The following SEMA3D variants were observed in gnomAD, a reference collection of about 807,000 sequenced individuals.
The protein encoded by SEMA3D is semaphorin 3D.
Under a neutral mutation model 100.1 loss-of-function variants are expected in SEMA3D, and 84 were observed. The ratio of observed to expected loss-of-function variants is 0.84; its 90% CI spans 0.70 to 1.01. SEMA3D has a LOEUF of 1.01. SEMA3D is among the 50% of genes least tolerant of loss of function. SEMA3D has a pLI of 0.00. For synonymous variants in SEMA3D, 312 were observed against 320.7 expected, an observed-to-expected ratio of 0.97 and a Z score of 0.29; for missense variants, 875 against 934.1, an observed-to-expected ratio of 0.94 and a Z score of 0.82.
intron 16 of SEMA3D, 25 bp from the exon 17 acceptor site, chr7:85,012,871 T>C (rs1789995651): frequency 6.3e-7 from 1 of 1,587,828 alleles, no homozygotes; most frequent in Admixed American, 1.7e-5. Context: ...TTAAACTTAT[T>C]AGAACTTCAA....
intron 4 of SEMA3D, among the ~76,000 whole-genome samples, chr7:85,090,904 GGTTA>G (rs1788368187): frequency 6.6e-6 from 1 of 151,872 alleles, no homozygotes; most frequent in African/African-American, 2.4e-5. Flanking sequence ...AATTCATTTA[GGTTA>G]GTTATTTTCA....
At chr7:85,061,547 C>T (rs1353288413) in intron 8 of SEMA3D, among the ~76,000 whole-genome samples, 1 of 152,154 alleles carries the variant, frequency 6.6e-6, no homozygotes, top group Non-Finnish European at 1.5e-5. Flanking sequence ...CGCAGTTCAT[C>T]TGTATTCTCT....
At chr7:85,103,202 C>T (rs1240923109) in intron 3 of SEMA3D, among the ~76,000 whole-genome samples, 2 of 151,664 alleles carry the variant, frequency 1.3e-5, no homozygotes, top group African/African-American at 4.8e-5. Flanking sequence ...TCAACCAAAA[C>T]AGAAAAAAAA....
At chr7:85,128,394 T>C (rs982534242) in intron 2 of SEMA3D, among the ~76,000 whole-genome samples, 5 of 151,880 alleles carry the variant, frequency 3.3e-5, no homozygotes, top group African/African-American at 9.7e-5. Flanking sequence ...TGGTCTCAAG[T>C]TCCTGACCTC....
the SEMA3D span, among the ~76,000 whole-genome samples, chr7:85,217,322 G>A: frequency 6.6e-6 from 1 of 151,888 alleles, no homozygotes; most frequent in African/African-American, 2.4e-5. Flanking sequence ...CATATTCATC[G>A]AATATTTATT....
chr7:85,181,836 T>C (rs956710879), intron 1 of SEMA3D: 33 of 733,854 alleles, frequency 4.5e-5, no homozygotes, highest in Non-Finnish European at 5.5e-5. Context: ...TTATGAAACA[T>C]GAACATGGAA....
At chr7:85,064,452 CATT>C (rs1791558823) in intron 8 of SEMA3D, among the ~76,000 whole-genome samples, 1 of 152,128 alleles carries the variant, frequency 6.6e-6, no homozygotes, top group African/African-American at 2.4e-5. Flanking sequence ...ATGAGAATCA[CATT>C]GTTGTATAAA....
chr7:85,162,672 G>A (rs1000879706), intron 1 of SEMA3D, among the ~76,000 whole-genome samples: 1 of 152,078 alleles, frequency 6.6e-6, no homozygotes, highest in Non-Finnish European at 1.5e-5. Context: ...TATGGGAAAC[G>A]TGTACTGGGA....
intron 3 of SEMA3D, among the ~76,000 whole-genome samples, chr7:85,100,778 T>C (rs1788720023): frequency 6.6e-6 from 1 of 151,928 alleles, no homozygotes; most frequent in East Asian, 1.9e-4. Flanking sequence ...AACGGTTAAA[T>C]GTTATTTCTC....
At chr7:85,048,208 T>C (rs1365899056) in intron 9 of SEMA3D, among the ~76,000 whole-genome samples, 1 of 151,830 alleles carries the variant, frequency 6.6e-6, no homozygotes, top group Non-Finnish European at 1.5e-5. Context: ...TCATTCATAT[T>C]CTTTGCTTGA....
At chr7:85,164,825 T>C (rs1442115947) in intron 1 of SEMA3D, among the ~76,000 whole-genome samples, 1 of 152,100 alleles carries the variant, frequency 6.6e-6, no homozygotes, top group East Asian at 1.9e-4. Context: ...TCCATTGTAT[T>C]TGTAGCTGGT....
In SEMA3D at chr7:85,042,170, C is replaced by T. The variant is rs776547543; in HGVS notation, c.976+1G>A. 4 of 1,597,788 alleles carry T rather than the reference C, an allele frequency of 2.5e-6. No individual in the cohort carries two copies. The highest frequency in any genetic ancestry group is 1.7e-6 in the Non-Finnish European group (2 of 1,165,768). On this transcript the variant is annotated splice_donor_variant, in intron 10 of 18. Coordinates refer to ENST00000284136, the MANE Select transcript of SEMA3D (RefSeq NM_001384900.1). LOFTEE classifies it high-confidence loss of function. ...AAGAAAGAAGGAAAGAAGGAACTTA[C>T]GAAGCTCATCAAAGTAAGTATCTGC...
chr7:85,092,738 C>T (rs568086296), intron 4 of SEMA3D, among the ~76,000 whole-genome samples: 1 of 152,056 alleles, frequency 6.6e-6, no homozygotes, highest in East Asian at 1.9e-4. Context: ...TTATCAATGT[C>T]ACACCCCTAA....
chr7:85,215,855 T>C, the SEMA3D span, among the ~76,000 whole-genome samples: 3 of 152,090 alleles, frequency 2.0e-5, no homozygotes, highest in Admixed American at 6.6e-5. Flanking sequence ...CAGATAATTA[T>C]AGATAATTTT....
chr7:85,246,978 T>C, the SEMA3D span, among the ~76,000 whole-genome samples: 1 of 152,054 alleles, frequency 6.6e-6, no homozygotes, highest in South Asian at 2.1e-4. Context: ...AAAGTATACG[T>C]AAGTCGCTGA....
At chr7:85,040,008 G>C (rs1029028164) in intron 11 of SEMA3D, among the ~76,000 whole-genome samples, 2 of 126,026 alleles carry the variant, frequency 1.6e-5, no homozygotes, top group Non-Finnish European at 3.1e-5. Flanking sequence ...ACAGGGTCTC[G>C]CTGTGTCACC....
At chr7:85,127,210 C>T (rs983094119) in intron 2 of SEMA3D, among the ~76,000 whole-genome samples, 1 of 152,096 alleles carries the variant, frequency 6.6e-6, no homozygotes, top group South Asian at 2.1e-4. Context: ...CGATTATCAT[C>T]AGAAATTAGT....
intron 9 of SEMA3D, among the ~76,000 whole-genome samples, chr7:85,045,749 C>A (rs1247675386): frequency 1.3e-5 from 2 of 151,782 alleles, no homozygotes; most frequent in Admixed American, 6.6e-5. Flanking sequence ...AGATGTATAT[C>A]TGGAATTATC....
chr7:85,152,954 T>A (rs570397470), intron 2 of SEMA3D, among the ~76,000 whole-genome samples: 1 of 152,154 alleles, frequency 6.6e-6, no homozygotes, highest in African/African-American at 2.4e-5. Flanking sequence ...AAGAAAGCTA[T>A]GCCTGCTAAT....
Sources: gnomAD v4.1 joint callset for allele counts (sites outside exome capture counted in the v4.1 genomes callset) on GRCh38, gnomAD v4.1.1 for gene constraint, MANE v1.5 for transcripts, NCBI Gene and HGNC (gene_info 2026-07-23, HGNC 2026-07-21) for gene names.